The following COL26A1 variants were observed in gnomAD, a reference collection of about 807,000 sequenced individuals.
COL26A1 encodes collagen alpha-1(XXVI) chain.
In COL26A1, 41 loss-of-function variants were observed where a neutral mutation model predicts 59.3. That is an observed-to-expected ratio of 0.69 (90% CI 0.54 to 0.90). The LOEUF is 0.90. Ranked by LOEUF, COL26A1 falls within the 40% of genes least tolerant of loss-of-function variation. COL26A1 has a pLI of 0.00. For synonymous variants in COL26A1, 266 were observed against 256.0 expected, an observed-to-expected ratio of 1.04 and a Z score of -0.37; for missense variants, 612 against 602.3, an observed-to-expected ratio of 1.02 and a Z score of -0.17.
At chr7:101,474,361 T>C (rs1017714440) in intron 3 of COL26A1, among the ~76,000 whole-genome samples, 2 of 149,582 alleles carry the variant, frequency 1.3e-5, no homozygotes, top group Non-Finnish European at 1.5e-5. Context: ...CTTTGGGAGG[T>C]CGAGGTAGGA....
intron 3 of COL26A1, among the ~76,000 whole-genome samples, chr7:101,529,088 C>A (rs1317554049): frequency 2.0e-5 from 3 of 151,884 alleles, no homozygotes; most frequent in Non-Finnish European, 4.4e-5. Flanking sequence ...ATCACTTGAA[C>A]CCCGGTGGCA....
At chr7:101,554,459 C>T (rs1305651414) in intron 11 of COL26A1, among the ~76,000 whole-genome samples, 1 of 151,586 alleles carries the variant, frequency 6.6e-6, no homozygotes, top group African/African-American at 2.4e-5. Context: ...TTCATAACAG[C>T]AACCTGCCTG....
chr7:101,509,369 C>T (rs1226383587), intron 3 of COL26A1, among the ~76,000 whole-genome samples: 2 of 152,058 alleles, frequency 1.3e-5, no homozygotes, highest in African/African-American at 2.4e-5. Flanking sequence ...TAGCTTGAAC[C>T]TGGGAGGCGG....
rs988477364 is a variant in COL26A1 at position 101,455,757 on chromosome 7, A to G, written c.385+7970A>G. Reference sequence around the variant, plus strand: ...TAGTGCAGTGGCGTGATCTCAGCTCACTGCAACCTCCGCCTCCTGGGTTCA... The same window carrying G: ...TAGTGCAGTGGCGTGATCTCAGCTCGCTGCAACCTCCGCCTCCTGGGTTCA... On this transcript the variant is annotated intron_variant, in intron 3 of 12. Coordinates refer to ENST00000313669, the MANE Select transcript of COL26A1 (RefSeq NM_001278563.3). Among the ~76,000 whole-genome samples the G allele has an allele frequency of 9.9e-5, 15 of 152,164 alleles. No individual in the cohort carries two copies. In the East Asian group the frequency reaches 2.7e-3, roughly 27 times the overall value.
intron 2 of COL26A1, among the ~76,000 whole-genome samples, chr7:101,439,883 C>T (rs1793011153): frequency 6.6e-6 from 1 of 152,130 alleles, no homozygotes; most frequent in African/African-American, 2.4e-5. Context: ...CCTTAATGTT[C>T]CCACCAAGCA....
chr7:101,496,363 TA>T (rs1794585127), intron 3 of COL26A1, among the ~76,000 whole-genome samples: 1 of 152,220 alleles, frequency 6.6e-6, no homozygotes, highest in Middle Eastern at 3.2e-3. Flanking sequence ...GAAAAAGGTT[TA>T]ATCATAGCGT....
chr7:101,485,320 C>T (rs911239005), intron 3 of COL26A1, among the ~76,000 whole-genome samples: 1 of 152,192 alleles, frequency 6.6e-6, no homozygotes, highest in Admixed American at 6.5e-5. Flanking sequence ...AGCTCACCTG[C>T]GTGAGGTGCT....
intron 2 of COL26A1, among the ~76,000 whole-genome samples, chr7:101,440,249 C>T (rs1376830022): frequency 1.3e-5 from 2 of 151,812 alleles, no homozygotes; most frequent in Non-Finnish European, 2.9e-5. Context: ...GCCTGTAATC[C>T]CAGCTACTCA....
chr7:101,470,252 G>A (rs956314748), intron 3 of COL26A1, among the ~76,000 whole-genome samples: 1 of 151,720 alleles, frequency 6.6e-6, no homozygotes, highest in South Asian at 2.1e-4. Flanking sequence ...GGCGCGCACC[G>A]CCATGTCCAG....
chr7:101,416,293 G>A (rs1208204078), intron 1 of COL26A1, among the ~76,000 whole-genome samples: 9 of 142,822 alleles, frequency 6.3e-5, no homozygotes, highest in African/African-American at 2.2e-4. Context: ...CTGGGAGGCT[G>A]AGATGGGAGG....
chr7:101,501,040 G>C (rs1229702369), intron 3 of COL26A1, among the ~76,000 whole-genome samples: 1 of 151,394 alleles, frequency 6.6e-6, no homozygotes, highest in Non-Finnish European at 1.5e-5. Flanking sequence ...AAAAAGTTTA[G>C]CCGGGCATGG....
At chr7:101,483,939 G>A (rs914015316) in intron 3 of COL26A1, among the ~76,000 whole-genome samples, 2 of 151,738 alleles carry the variant, frequency 1.3e-5, no homozygotes, top group Admixed American at 6.6e-5. Flanking sequence ...CTCCCAAAGT[G>A]CTGGGATTAC....
At chr7:101,544,810 G>A (rs1795696221) in intron 6 of COL26A1, among the ~76,000 whole-genome samples, 2 of 152,188 alleles carry the variant, frequency 1.3e-5, no homozygotes, top group South Asian at 2.1e-4. Flanking sequence ...TGGGATTACA[G>A]GGGTGAGCCA....
At chr7:101,541,836 T>A (rs1312913793) in intron 5 of COL26A1, among the ~76,000 whole-genome samples, 2 of 152,166 alleles carry the variant, frequency 1.3e-5, no homozygotes, top group Non-Finnish European at 2.9e-5. Context: ...TGGAGGACAT[T>A]TAGCAAACAA....
chr7:101,489,199 T>G (rs893231647), intron 3 of COL26A1, among the ~76,000 whole-genome samples: 6 of 152,164 alleles, frequency 3.9e-5, no homozygotes, highest in African/African-American at 1.4e-4. Flanking sequence ...GAATCAGTCC[T>G]TTAACAACAG....
rs180848995 is a variant in COL26A1 at position 101,518,056 on chromosome 7, C to T, written c.386-15026C>T. On this transcript the variant is annotated intron_variant, in intron 3 of 12. Transcript: ENST00000313669. ...CTTGAACTTCTTGGCTCAAGAGATT[C>T]TCCCACCTCTACCTCCCAAAGTACT... 1.6e-3 allele frequency among the ~76,000 whole-genome samples: 242 copies of T among 152,194 alleles called. 3 individuals are homozygous for T. The highest frequency in any genetic ancestry group is 5.3e-3 in the African/African-American group (219 of 41,510).
chr7:101,427,836 A>G lies in COL26A1; in HGVS notation c.281+7737A>G, dbSNP rs554385110. On this transcript the variant is annotated intron_variant, in intron 2 of 12. Transcript: ENST00000313669. Reference sequence around the variant, plus strand: ...ATTTTCAGGAGCTGTAGGGGACCCAATTCTGGTTCCCTTCATTCTTTGAAG... The same window carrying G: ...ATTTTCAGGAGCTGTAGGGGACCCAGTTCTGGTTCCCTTCATTCTTTGAAG... Among the ~76,000 whole-genome samples, 10 of 152,030 alleles carry G rather than the reference A, an allele frequency of 6.6e-5. No individual in the cohort carries two copies. The East Asian group carries it at 1.2e-3, about 18-fold the overall frequency.
In COL26A1 at chr7:101,512,167, T is replaced by G. The variant is rs189023437; in HGVS notation, c.386-20915T>G. On this transcript the variant is annotated intron_variant, in intron 3 of 12. Transcript: ENST00000313669. ...GAGAATATTGGTCTTGGTTTACCCC[T>G]GAGTCAGCACAGGGGAGGAGGTTGG... Among the ~76,000 whole-genome samples the G allele has an allele frequency of 4.6e-5, 7 of 152,302 alleles. No individual in the cohort carries two copies. In the East Asian group the frequency reaches 1.4e-3, roughly 29 times the overall value.
chr7:101,518,319 G>T (rs1795073167), intron 3 of COL26A1, among the ~76,000 whole-genome samples: 1 of 152,168 alleles, frequency 6.6e-6, no homozygotes, highest in African/African-American at 2.4e-5. Flanking sequence ...GCCCTCTGGG[G>T]TTCAGAGTGC....
Sources: gnomAD v4.1 joint callset for allele counts (sites outside exome capture counted in the v4.1 genomes callset) on GRCh38, gnomAD v4.1.1 for gene constraint, MANE v1.5 for transcripts, NCBI Gene and HGNC (gene_info 2026-07-23, HGNC 2026-07-21) for gene names.